CDYL2: variants seen among roughly 807,000 people sequenced by gnomAD.
The protein encoded by CDYL2 is chromodomain Y-like protein 2.
A neutral mutation model predicts 49.4 loss-of-function variants in CDYL2; 23 were observed. The ratio of observed to expected loss-of-function variants is 0.47; its 90% CI spans 0.34 to 0.66. The LOEUF (loss-of-function observed/expected upper bound fraction) is 0.66. CDYL2 is among the 30% of genes least tolerant of loss of function. CDYL2 has a pLI of 0.01. For synonymous variants in CDYL2, 360 were observed against 268.8 expected, an observed-to-expected ratio of 1.34 and a Z score of -3.32; for missense variants, 678 against 656.4, an observed-to-expected ratio of 1.03 and a Z score of -0.36.
intron 2 of CDYL2, among the ~76,000 whole-genome samples, chr16:80,649,218 T>C (rs1318195961): frequency 6.6e-6 from 1 of 152,152 alleles, no homozygotes; most frequent in Non-Finnish European, 1.5e-5. Flanking sequence ...TTGCAGATGA[T>C]ATGATGTTAT....
chr16:80,604,996 C>A (rs1597117522), intron 6 of CDYL2, among the ~76,000 whole-genome samples: 1 of 152,146 alleles, frequency 6.6e-6, no homozygotes, highest in African/African-American at 2.4e-5. Context: ...GAGAGCAATG[C>A]CCCGTGTTCA....
intron 4 of CDYL2, among the ~76,000 whole-genome samples, chr16:80,615,804 C>T (rs1334625228): frequency 1.3e-5 from 2 of 152,164 alleles, no homozygotes; most frequent in East Asian, 3.9e-4. Flanking sequence ...CAATCTGCCT[C>T]GCACTTCATT....
At chr16:80,775,689 T>C (rs1449407977) in intron 1 of CDYL2, among the ~76,000 whole-genome samples, 1 of 151,868 alleles carries the variant, frequency 6.6e-6, no homozygotes, top group Non-Finnish European at 1.5e-5. Flanking sequence ...CATATCAATA[T>C]TTGCAATAAA....
intron 2 of CDYL2, among the ~76,000 whole-genome samples, chr16:80,673,847 C>T (rs1909631399): frequency 1.3e-5 from 2 of 152,098 alleles, no homozygotes; most frequent in African/African-American, 4.8e-5. Flanking sequence ...TCAGTGTAAT[C>T]ACATAAGTCC....
At chr16:80,804,754 C>T (rs1360668127), upstream of CDYL2, among the ~76,000 whole-genome samples, 1 of 149,810 alleles carries the variant, frequency 6.7e-6, no homozygotes, top group Non-Finnish European at 1.5e-5. Context: ...GCTGGCGGGG[C>T]CCCCGGGGGG....
At chr16:80,711,815 C>A (rs560073196) in intron 1 of CDYL2, among the ~76,000 whole-genome samples, 2 of 152,030 alleles carry the variant, frequency 1.3e-5, no homozygotes, top group Admixed American at 1.3e-4. Flanking sequence ...AATCCTGGGC[C>A]CTTGTCTGAT....
chr16:80,702,488 C>T (rs1049407051), intron 1 of CDYL2, among the ~76,000 whole-genome samples: 2 of 152,132 alleles, frequency 1.3e-5, no homozygotes, highest in East Asian at 1.9e-4. Context: ...TGAGGGCTCA[C>T]GTCTATAATT....
Position 80,712,187 on chromosome 16 carries a change from GTGTGTATATATA to G in CDYL2, c.25-27070_25-27059del, listed in dbSNP as rs1295836142. 1.2e-3 allele frequency among the ~76,000 whole-genome samples: 45 copies of G among 38,104 alleles called. 3 individuals carry two copies. Among genetic ancestry groups the G allele is most frequent in the Non-Finnish European group, 1.7e-3 (39 of 22,330 alleles). The allele number at this position is 38,104 out of a possible 152,430, so 25.0% of individuals were successfully genotyped here. A position where few individuals can be genotyped will look rare whatever the true frequency, so the allele number is the denominator to read the frequency against. On this transcript the variant is annotated intron_variant, in intron 1 of 6. Transcript: ENST00000570137. The stretch of plus-strand genomic sequence containing the variant: ...TATATATATGTGTCTTTGTGTCTGT[GTGTGTATATATA>G]TATATATATATATATATCTCCAAAC...
intron 2 of CDYL2, among the ~76,000 whole-genome samples, chr16:80,641,449 G>T (rs1476041399): frequency 2.0e-5 from 3 of 151,974 alleles, no homozygotes; most frequent in Admixed American, 6.6e-5. Context: ...CAAAAGCTGA[G>T]AAATTTTATC....
intron 2 of CDYL2, among the ~76,000 whole-genome samples, chr16:80,653,458 T>C (rs1050439414): frequency 2.0e-5 from 3 of 152,104 alleles, no homozygotes; most frequent in African/African-American, 7.2e-5. Context: ...AGAGTGAAAC[T>C]CCGTCTCAAA....
chr16:80,800,361 G>C (rs1238754613), intron 1 of CDYL2, among the ~76,000 whole-genome samples: 1 of 152,184 alleles, frequency 6.6e-6, no homozygotes, highest in African/African-American at 2.4e-5. Flanking sequence ...CAAGAGGGAA[G>C]CAAAGCTCAA....
At chr16:80,722,670 G>A (rs953975005) in intron 1 of CDYL2, among the ~76,000 whole-genome samples, 5 of 152,176 alleles carry the variant, frequency 3.3e-5, no homozygotes, top group South Asian at 2.1e-4. Flanking sequence ...ACAGACATCC[G>A]AAAACCAGGC....
At chr16:80,651,464 G>A (rs1486618633) in intron 2 of CDYL2, among the ~76,000 whole-genome samples, 5 of 152,108 alleles carry the variant, frequency 3.3e-5, no homozygotes, top group South Asian at 2.1e-4. Context: ...AAATAGGTGA[G>A]GCATAGGAGA....
At chr16:80,795,483 G>A (rs1163689355) in intron 1 of CDYL2, among the ~76,000 whole-genome samples, 1 of 152,158 alleles carries the variant, frequency 6.6e-6, no homozygotes, top group Admixed American at 6.5e-5. Flanking sequence ...TCACTGGAGT[G>A]GTGTGACCTT....
intron 1 of CDYL2, among the ~76,000 whole-genome samples, chr16:80,748,298 A>C (rs1188958493): frequency 6.7e-6 from 1 of 150,088 alleles, no homozygotes; most frequent in Non-Finnish European, 1.5e-5. Flanking sequence ...AGGCCGAGAC[A>C]GGCAGATCAC....
intron 2 of CDYL2, among the ~76,000 whole-genome samples, chr16:80,670,270 G>C (rs541935500): frequency 1.4e-5 from 2 of 142,324 alleles, no homozygotes; most frequent in African/African-American, 4.9e-5. Context: ...GAGGGACCCA[G>C]TGGGAGTTGA....
chr16:80,719,001 T>C (rs2142522319), intron 1 of CDYL2, among the ~76,000 whole-genome samples: 1 of 152,294 alleles, frequency 6.6e-6, no homozygotes, highest in Admixed American at 6.5e-5. Flanking sequence ...AGGGCATGAA[T>C]ACTGGGCTTG....
intron 3 of CDYL2, among the ~76,000 whole-genome samples, chr16:80,623,197 G>A (rs769824311): frequency 2.0e-5 from 3 of 152,036 alleles, no homozygotes; most frequent in Non-Finnish European, 2.9e-5. Context: ...CCCCAGCCCC[G>A]ACGTATGACA....
chr16:80,786,083 C>T (rs1453581450), intron 1 of CDYL2, among the ~76,000 whole-genome samples: 2 of 152,168 alleles, frequency 1.3e-5, no homozygotes, highest in Non-Finnish European at 2.9e-5. Context: ...ACACCAAAAG[C>T]AATGGCAATA....
Sources: allele counts gnomAD v4.1 joint callset (sites outside exome capture counted in the v4.1 genomes callset), GRCh38; gene constraint gnomAD v4.1.1; transcripts MANE v1.5; gene names NCBI Gene and HGNC (gene_info 2026-07-23, HGNC 2026-07-21).